OGFRL1: variants seen among roughly 807,000 people sequenced by gnomAD.
The protein encoded by OGFRL1 is opioid growth factor receptor like 1, also known as opioid growth factor receptor-like protein 1.
OGFRL1 carries 26 observed loss-of-function variants against 32.4 expected under a neutral mutation model. The ratio of observed to expected loss-of-function variants is 0.80; its 90% confidence interval spans 0.59 to 1.11. The LOEUF is 1.11. Ranked by LOEUF, OGFRL1 falls within the 50% of genes most tolerant of loss-of-function variation. OGFRL1 has a pLI of 0.00. For missense variants in OGFRL1, 521 were observed against 546.4 expected (o/e 0.95, Z 0.46); for synonymous variants, 211 against 201.2 (o/e 1.05, Z -0.41).
chr6:71,300,924 G>C (rs1407270375), intron 6 of OGFRL1, among the ~76,000 whole-genome samples: 1 of 152,172 alleles, frequency 6.6e-6, no homozygotes, highest in Non-Finnish European at 1.5e-5. Context: ...TTACGTGGTG[G>C]ATTTTGCTTA....
intron 1 of OGFRL1, chr6:71,291,473 T>C (rs1437542850): frequency 3.3e-5 from 5 of 152,194 alleles, no homozygotes; most frequent in Non-Finnish European, 5.9e-5. Flanking sequence ...GAATGTTTTG[T>C]ATGTTTATTT....
intron 6 of OGFRL1, 56 bp from the exon 7 acceptor site, chr6:71,301,330 T>C (rs1489229600): frequency 1.4e-6 from 2 of 1,392,006 alleles, no homozygotes; most frequent in Non-Finnish European, 2.0e-6. Flanking sequence ...GTTTTCATTC[T>C]CCTGCCTTCC....
intron 6 of OGFRL1, among the ~76,000 whole-genome samples, chr6:71,299,105 G>A (rs997734395): frequency 1.3e-5 from 2 of 152,146 alleles, no homozygotes; most frequent in African/African-American, 4.8e-5. Flanking sequence ...TTGGATTACT[G>A]AGCCATATTT....
Position 71,293,341 on chromosome 6 carries a change from G to T in OGFRL1, c.283G>T (p.Ala95Ser), listed in dbSNP as rs1766105861. 6.2e-7 allele frequency: 1 copy of T among 1,613,834 alleles called. No individual in the cohort carries two copies. The highest frequency in any genetic ancestry group is 8.5e-7 in the Non-Finnish European group (1 of 1,179,838). The change falls in exon 2 of 7, where the codon GCT (alanine) becomes TCT (serine). Residue 95 changes from alanine (A) to serine (S), a missense_variant. Transcript: ENST00000370435. ...TGCCAAACCAAAGAGAAGTTTTTAT[G>T]CTGCCAGGGATTTGTACAAGTACCG... ...ATAKPKRSFY[A>S]ARDLYKYRHQ...
intron 1 of OGFRL1, among the ~76,000 whole-genome samples, chr6:71,292,895 CATTCTT>C (rs1209832421): frequency 2.0e-4 from 30 of 152,132 alleles, no homozygotes; most frequent in African/African-American, 7.0e-4. Context: ...TAACTTAACA[CATTCTT>C]AGTATTATGT....
chr6:71,293,683 T>A, intron 3 of OGFRL1, 72 bp downstream of exon 3: 1 of 1,089,034 alleles, frequency 9.2e-7, no homozygotes, highest in Non-Finnish European at 1.4e-6. Flanking sequence ...TATTTTGTGG[T>A]TTGTTTCATT....
intron 1 of OGFRL1, among the ~76,000 whole-genome samples, chr6:71,289,982 T>G (rs937160447): frequency 1.3e-5 from 2 of 152,052 alleles, no homozygotes; most frequent in Non-Finnish European, 2.9e-5. Flanking sequence ...CGATGGAGAT[T>G]GGGAAAATGG....
chr6:71,301,596 G>C lies in OGFRL1; in HGVS notation c.903G>C (p.Gln301His). The change falls in exon 7 of 7, where the codon CAG becomes CAC. Residue 301 changes from glutamine (Q) to histidine (H), a missense_variant. Physicochemically the swap from Gln to His is conservative, Grantham distance 24. Transcript: ENST00000370435. ...RERRKLLRFA[Q>H]KHYTPSENFI... ...GGAGAAAGCTCCTGCGGTTCGCCCA[G>C]AAACACTACACGCCTTCAGAGAACT... 6 of 1,614,154 alleles carry C rather than the reference G, an allele frequency of 3.7e-6. No homozygotes were observed. The highest frequency in any genetic ancestry group is 5.1e-6 in the Non-Finnish European group (6 of 1,180,032).
At position 71,302,100 on chromosome 6, in the gene OGFRL1, G is replaced by C; in HGVS notation, c.*51G>C. 1 of 1,410,816 alleles carries C rather than the reference G, an allele frequency of 7.1e-7. No individual in the cohort carries two copies. The highest frequency in any genetic ancestry group is 9.3e-7 in the Non-Finnish European group (1 of 1,072,494). The allele number at this position is 1,410,816 out of a possible 1,614,324, so 87.4% of individuals were successfully genotyped here. A position where few individuals can be genotyped will look rare whatever the true frequency, so the allele number is the denominator to read the frequency against. On this transcript the variant is annotated 3_prime_UTR_variant, in exon 7 of 7. Coordinates refer to ENST00000370435, the MANE Select transcript of OGFRL1 (RefSeq NM_024576.5). The stretch of plus-strand genomic sequence containing the variant: ...TTAGGCTAGAGAGGAAAAAACTACT[G>C]TATCATTTATCCTAAAGAACAGAGA...
At position 71,293,330 on chromosome 6, in the gene OGFRL1, G is replaced by T. The variant is rs1325624329; in HGVS notation, c.272G>T (p.Arg91Ile). The T allele has an allele frequency of 3.7e-6, 6 of 1,613,728 alleles. No homozygotes were observed. The highest frequency in any genetic ancestry group is 5.1e-6 in the Non-Finnish European group (6 of 1,179,860). ...DSTEATAKPK[R>I]SFYAARDLYK... ...ACTGAAGCAACTGCCAAACCAAAGA[G>T]AAGTTTTTATGCTGCCAGGGATTTG... The change falls in exon 2 of 7, where the codon AGA becomes ATA. Residue 91 changes from arginine (R) to isoleucine (I), a missense_variant. By Grantham distance (97) the Arg-to-Ile change is moderately conservative (BLOSUM62 -3). Transcript: ENST00000370435.
At position 71,296,749 on chromosome 6, in the gene OGFRL1, A is replaced by C; in HGVS notation, c.624A>C (p.Lys208Asn). ...TGATGCTAGAATTTTTTGGAATAAA[A>C]CTGACTGATAAAACTGGAAATGTTG... ...YKMMLEFFGI[K>N]LTDKTGNVAR... Residue 208 changes from lysine (K) to asparagine (N), a missense_variant, in exon 6 of 7, where the codon AAA (lysine) becomes AAC (asparagine). Coordinates refer to ENST00000370435, the MANE Select transcript of OGFRL1 (RefSeq NM_024576.5). 3.1e-6 allele frequency: 5 copies of C among 1,613,730 alleles called. No homozygotes were observed. Among genetic ancestry groups the C allele is most frequent in the Non-Finnish European group, 4.2e-6 (5 of 1,179,736 alleles).
rs538017939 is a variant in OGFRL1, at chr6:71,304,229, T to C, written c.*2180T>C. The stretch of plus-strand genomic sequence containing the variant: ...ATAGTATGGAACACTTTCTCATTTT[T>C]AGTTCCCATAATATGCCAGTTTTTG... On this transcript the variant is annotated 3_prime_UTR_variant, in exon 7 of 7. Transcript: ENST00000370435. The C allele has an allele frequency of 2.0e-5, 3 of 152,300 alleles. No homozygotes were observed. Among genetic ancestry groups the C allele is most frequent in the Admixed American group, 6.5e-5 (1 of 15,288 alleles). The allele number at this position is 152,300 out of a possible 1,614,324, so 9.4% of individuals were successfully genotyped here. A position where few individuals can be genotyped will look rare whatever the true frequency, so the allele number is the denominator to read the frequency against.
rs568639433 is a variant in OGFRL1, at chr6:71,296,970, C to T, written c.692+153C>T. Among the ~76,000 whole-genome samples the T allele has an allele frequency of 2.0e-5, 3 of 152,132 alleles. No individual in the cohort carries two copies. In the South Asian group the frequency reaches 6.2e-4, roughly 32 times the overall value. On this transcript the variant is annotated intron_variant, in intron 6 of 6. Coordinates refer to ENST00000370435, the MANE Select transcript of OGFRL1 (RefSeq NM_024576.5). ...TGAAATGCATTACATTCCTGTACCA[C>T]ATTCTAAAACAAAACAAAACAACAA...
chr6:71,292,701 G>A (rs1343170561), intron 1 of OGFRL1, among the ~76,000 whole-genome samples: 4 of 152,072 alleles, frequency 2.6e-5, no homozygotes, highest in Admixed American at 6.5e-5. Context: ...ATATCACATT[G>A]TATTATCATT....
At position 71,307,886 on chromosome 6, in the gene OGFRL1, G is replaced by T. The variant is rs551139563; in HGVS notation, c.*5837G>T. The T allele has an allele frequency of 2.0e-5, 3 of 152,270 alleles. No homozygotes were observed. The highest frequency in any genetic ancestry group is 3.9e-4 in the East Asian group (2 of 5,186). 9.4% of individuals were successfully genotyped at this position (152,270 alleles called of 1,614,324 possible). A position where few individuals can be genotyped will look rare whatever the true frequency, so the allele number is the denominator to read the frequency against. ...ACAGGAAACTCACCACAGAAATAAA[G>T]ACATAACCCTTGATAAGTTTGTGTA... On this transcript the variant is annotated 3_prime_UTR_variant, in exon 7 of 7. Transcript: ENST00000370435.
intron 6 of OGFRL1, among the ~76,000 whole-genome samples, chr6:71,297,100 C>T (rs1766234736): frequency 6.6e-6 from 1 of 152,196 alleles, no homozygotes; most frequent in Admixed American, 6.5e-5. Context: ...TTCTCTCCCT[C>T]CTCCTTATGC....
chr6:71,296,889 C>A, intron 6 of OGFRL1, 72 bp downstream of exon 6: 1 of 1,518,312 alleles, frequency 6.6e-7, no homozygotes, highest in Admixed American at 2.2e-5. Flanking sequence ...CTCTATGAAA[C>A]GCAGGAACAA....
Position 71,306,659 on chromosome 6 carries a change from A to G in OGFRL1, c.*4610A>G, listed in dbSNP as rs974845351. ...GGACAATAGCATCAGTTTATCAAGAAGTGTACTCACCATGATATTCAACAA... is the reference window on the plus strand; with the variant it reads ...GGACAATAGCATCAGTTTATCAAGAGGTGTACTCACCATGATATTCAACAA... On this transcript the variant is annotated 3_prime_UTR_variant, in exon 7 of 7. Transcript: ENST00000370435. The G allele has an allele frequency of 6.6e-6, 1 of 152,196 alleles. No homozygotes were observed. The highest frequency in any genetic ancestry group is 1.5e-5 in the Non-Finnish European group (1 of 68,044). The allele number at this position is 152,196 out of a possible 1,614,324, so 9.4% of individuals were successfully genotyped here. A position where few individuals can be genotyped will look rare whatever the true frequency, so the allele number is the denominator to read the frequency against.
chr6:71,308,059 G>A lies in OGFRL1; in HGVS notation c.*6010G>A, dbSNP rs1766609309. On this transcript the variant is annotated 3_prime_UTR_variant, in exon 7 of 7. Coordinates refer to ENST00000370435, the MANE Select transcript of OGFRL1 (RefSeq NM_024576.5). ...CCATTAATACTCTGATTTGAACCAT[G>A]AATTCCACCTACTCTGCGTTGAAGC... is the stretch of plus-strand genomic sequence containing the variant. 1 of 152,224 alleles carries A rather than the reference G, an allele frequency of 6.6e-6. No individual in the cohort carries two copies. Among genetic ancestry groups the A allele is most frequent in the African/African-American group, 2.4e-5 (1 of 41,452 alleles). 9.4% of individuals were successfully genotyped at this position (152,224 alleles called of 1,614,324 possible).
Sources: gnomAD v4.1 joint callset for allele counts (sites outside exome capture counted in the v4.1 genomes callset) on GRCh38, gnomAD v4.1.1 for gene constraint, MANE v1.5 for transcripts, NCBI Gene and HGNC (gene_info 2026-07-23, HGNC 2026-07-21) for gene names.